The following ABCA5 variants were observed in gnomAD, a reference collection of about 807,000 sequenced individuals.
ABCA5 encodes ATP binding cassette subfamily A member 5.
Under a neutral mutation model 206.0 loss-of-function variants are expected in ABCA5, and 163 were observed. The ratio of observed to expected loss-of-function variants is 0.79; its 90% CI spans 0.70 to 0.90. The LOEUF (loss-of-function observed/expected upper bound fraction) is 0.90. ABCA5 is among the 40% of genes least tolerant of loss of function. ABCA5 has a pLI of 0.00. For missense variants in ABCA5, 1,859 were observed against 1,912.9 expected (o/e 0.97, Z 0.53); for synonymous variants, 609 against 613.8 (o/e 0.99, Z 0.11).
intron 3 of ABCA5, among the ~76,000 whole-genome samples, chr17:69,310,298 G>T (rs961053050): frequency 6.6e-6 from 1 of 151,868 alleles, no homozygotes; most frequent in Non-Finnish European, 1.5e-5. Flanking sequence ...ACCATGCCTG[G>T]CTAATTTTTT....
intron 10 of ABCA5, among the ~76,000 whole-genome samples, chr17:69,294,957 T>G (rs1056706804): frequency 2.0e-5 from 3 of 152,158 alleles, no homozygotes; most frequent in Admixed American, 1.3e-4. Flanking sequence ...ATAACATTTT[T>G]AATCCCCTAA....
intron 18 of ABCA5, among the ~76,000 whole-genome samples, chr17:69,280,928 T>C (rs1009151126): frequency 9.9e-5 from 15 of 152,064 alleles, no homozygotes; most frequent in African/African-American, 3.4e-4. Flanking sequence ...ATATACCTAA[T>C]GCTAGATGAT....
rs1335733364 is a variant in ABCA5, at chr17:69,277,748, G to A, written c.2487C>T (p.Thr829=). Residue 829 remains threonine, a synonymous_variant, in exon 19 of 39, where the codon ACC becomes ACT. Coordinates refer to ENST00000392676, the MANE Select transcript of ABCA5 (RefSeq NM_172232.4). ...MEQSLLILSE[T]KAALVSTMSL... is the part of the protein sequence containing the mutation. The stretch of plus-strand genomic sequence containing the variant: ...TCATGGTGCTCACTAGAGCAGCCTT[G>A]GTTTCAGAAAGAATAAGTAAGCTCT... 4 of 1,606,346 alleles carry A rather than the reference G, an allele frequency of 2.5e-6. No homozygotes were observed. The African/African-American group carries it at 4.0e-5, about 16-fold the overall frequency.
rs1370039985 is a variant in ABCA5 at position 69,251,847 on chromosome 17, A to G, written c.4435T>C (p.Phe1479Leu). ...ATAGCAGCCCGCTTTCTGTTTTTAA[A>G]TGCAGTTCGAATTGCTCGCCTATAA... is the stretch of plus-strand genomic sequence containing the variant. The part of the protein sequence containing the change: ...QHMWRAIRTA[F>L]KNRKRAAILT... Residue 1479 changes from phenylalanine to leucine, a missense_variant, in exon 35 of 39, where the codon TTT becomes CTT. Physicochemically the swap from Phe to Leu is conservative, Grantham distance 22 (BLOSUM62 0). Coordinates refer to ENST00000392676, the MANE Select transcript of ABCA5 (RefSeq NM_172232.4). 1 of 1,613,628 alleles carries G rather than the reference A, an allele frequency of 6.2e-7. No homozygotes were observed. The highest frequency in any genetic ancestry group is 8.5e-7 in the Non-Finnish European group (1 of 1,179,934).
In ABCA5 at chr17:69,313,081, G is replaced by A; in HGVS notation, c.307+11C>T. 3 of 1,574,684 alleles carry A rather than the reference G, an allele frequency of 1.9e-6. No homozygotes were observed. The highest frequency in any genetic ancestry group is 2.6e-6 in the Non-Finnish European group (3 of 1,157,014). ...TATTATAAACAGAATATATATATAA[G>A]CTCACAATACCATCAGGTAGATGAT... is the stretch of plus-strand genomic sequence containing the variant. On this transcript the variant is annotated intron_variant, in intron 3 of 38. Coordinates refer to ENST00000392676, the MANE Select transcript of ABCA5 (RefSeq NM_172232.4).
intron 27 of ABCA5, 43 bp from the exon 28 acceptor site, chr17:69,259,840 T>C: frequency 3.2e-6 from 4 of 1,239,204 alleles, no homozygotes; most frequent in Non-Finnish European, 4.5e-6. Flanking sequence ...AAAGATTTGT[T>C]GTTGTTGTTG....
intron 9 of ABCA5, among the ~76,000 whole-genome samples, chr17:69,298,089 G>A (rs2075602342): frequency 6.6e-6 from 1 of 152,096 alleles, no homozygotes; most frequent in South Asian, 2.1e-4. Flanking sequence ...GGGAGGCTGA[G>A]GCAAGGGGAT....
rs577235121 is a variant in ABCA5 at position 69,280,843 on chromosome 17, A to G, written c.2393-3001T>C. On this transcript the variant is annotated intron_variant, in intron 18 of 38. Transcript: ENST00000392676. ...GGTGGGAACTGAACAATGAGATCAC[A>G]TGGACACAGGAAGGGGAACATCACA... Among the ~76,000 whole-genome samples, 4 of 152,206 alleles carry G rather than the reference A, an allele frequency of 2.6e-5. No individual in the cohort carries two copies. The South Asian group carries it at 8.3e-4, about 32-fold the overall frequency.
At chr17:69,254,676 G>A (rs1182472573) in intron 31 of ABCA5, among the ~76,000 whole-genome samples, 186 bp from the exon 32 acceptor site, 1 of 151,924 alleles carries the variant, frequency 6.6e-6, no homozygotes, top group Non-Finnish European at 1.5e-5. Flanking sequence ...ACCATGCCTG[G>A]CTATTGCTTT....
intron 35 of ABCA5, chr17:69,251,529 T>G: frequency 1.8e-6 from 1 of 552,936 alleles, no homozygotes; most frequent in Non-Finnish European, 2.9e-6. Context: ...AAAATAATAT[T>G]CCAAGTTATT....
chr17:69,265,770 CAT>C (rs1293447537), intron 23 of ABCA5, among the ~76,000 whole-genome samples: 1 of 152,080 alleles, frequency 6.6e-6, no homozygotes, highest in Non-Finnish European at 1.5e-5. Context: ...AGAATAAAAA[CAT>C]AAGCTAAGGC....
At chr17:69,261,291 A>G (rs1213588661) in intron 25 of ABCA5, 32 bp from the exon 26 acceptor site, 2 of 1,571,532 alleles carry the variant, frequency 1.3e-6, no homozygotes, top group Non-Finnish European at 1.7e-6. Context: ...TAAAAGTGAC[A>G]AAGTGTTTAG....
chr17:69,294,354 C>T (rs576214304), intron 11 of ABCA5, among the ~76,000 whole-genome samples: 1 of 151,904 alleles, frequency 6.6e-6, no homozygotes, highest in Non-Finnish European at 1.5e-5. Flanking sequence ...GAAACCCCGT[C>T]TCCACAAAAA....
intron 19 of ABCA5, among the ~76,000 whole-genome samples, chr17:69,276,928 T>C (rs573404381): frequency 1.3e-5 from 2 of 152,350 alleles, no homozygotes; most frequent in East Asian, 3.9e-4. Context: ...AAGAAGAGCA[T>C]ATAAATTTAG....
intron 20 of ABCA5, 161 bp downstream of exon 20, chr17:69,273,798 T>C (rs2075300607): frequency 1.5e-6 from 1 of 652,012 alleles, no homozygotes; most frequent in Non-Finnish European, 2.3e-6. Flanking sequence ...CTGTAATATA[T>C]TCTTCAGCAT....
chr17:69,288,674 T>C (rs2075488394), intron 14 of ABCA5, among the ~76,000 whole-genome samples: 1 of 149,844 alleles, frequency 6.7e-6, no homozygotes, highest in Admixed American at 6.7e-5. Flanking sequence ...AAGACCAGCC[T>C]GGGCAACATA....
At chr17:69,270,495 A>C in intron 22 of ABCA5, 118 bp downstream of exon 22, 1 of 931,838 alleles carries the variant, frequency 1.1e-6, no homozygotes, top group Non-Finnish European at 1.6e-6. Context: ...AGTTTTAAGA[A>C]GTCTAAGAGA....
chr17:69,251,489 A>C, intron 35 of ABCA5: 1 of 401,818 alleles, frequency 2.5e-6, no homozygotes, highest in Non-Finnish European at 4.3e-6. Flanking sequence ...AATATATAAC[A>C]ATTTTTTGAA....
intron 11 of ABCA5, among the ~76,000 whole-genome samples, chr17:69,293,874 G>GCA (rs2075556522): frequency 2.8e-5 from 1 of 35,670 alleles, no homozygotes; most frequent in African/African-American, 7.2e-5. Context: ...GTGTGTGTGC[G>GCA]TGTGTGTGTG....
Sources: allele counts gnomAD v4.1 joint callset (sites outside exome capture counted in the v4.1 genomes callset), GRCh38; gene constraint gnomAD v4.1.1; transcripts MANE v1.5; gene names NCBI Gene and HGNC (gene_info 2026-07-23, HGNC 2026-07-21).